SMG6: variants seen among roughly 807,000 people sequenced by gnomAD.
The protein encoded by SMG6 is telomerase-binding protein EST1A.
In SMG6, 66 loss-of-function variants were observed where a neutral mutation model predicts 142.2. The ratio of observed to expected loss-of-function variants is 0.46; its 90% CI spans 0.38 to 0.57. The LOEUF (loss-of-function observed/expected upper bound fraction) is 0.57. Ranked by LOEUF, SMG6 falls within the 20% of genes least tolerant of loss-of-function variation. The pLI, the probability that SMG6 is intolerant of heterozygous loss-of-function variation, is 0.00. For synonymous variants in SMG6, 779 were observed against 702.4 expected (o/e 1.11, Z -1.72); for missense variants, 1,793 against 1,832.0 (o/e 0.98, Z 0.39).
At chr17:2,180,709 A>G (rs1297675852) in intron 12 of SMG6, among the ~76,000 whole-genome samples, 1 of 152,152 alleles carries the variant, frequency 6.6e-6, no homozygotes, top group Non-Finnish European at 1.5e-5. Context: ...CTGCATAAGG[A>G]AAGAGGGTAA....
At chr17:2,102,111 T>C (rs1271148647) in intron 13 of SMG6, among the ~76,000 whole-genome samples, 1 of 152,192 alleles carries the variant, frequency 6.6e-6, no homozygotes, top group Non-Finnish European at 1.5e-5. Flanking sequence ...TCCTAACTTG[T>C]GTGCTCTCAG....
At chr17:2,187,116 C>T (rs2072013003) in intron 11 of SMG6, among the ~76,000 whole-genome samples, 2 of 152,358 alleles carry the variant, frequency 1.3e-5, no homozygotes, top group South Asian at 4.1e-4. Flanking sequence ...AGCCTTCCTT[C>T]AGCACAGTAC....
chr17:2,213,643 G>A (rs1224265294), intron 10 of SMG6: 4 of 152,210 alleles, frequency 2.6e-5, no homozygotes, highest in Non-Finnish European at 5.9e-5. Context: ...TTATCAAGCT[G>A]AGAGAGAGCA....
intron 13 of SMG6, among the ~76,000 whole-genome samples, chr17:2,169,772 A>C (rs901983482): frequency 1.3e-5 from 2 of 152,176 alleles, no homozygotes; most frequent in South Asian, 2.1e-4. Flanking sequence ...TTGGCCTCTA[A>C]GTGAGAGGAG....
At chr17:2,064,284 T>A (rs2151382227) in intron 18 of SMG6, among the ~76,000 whole-genome samples, 1 of 151,916 alleles carries the variant, frequency 6.6e-6, no homozygotes, top group African/African-American at 2.4e-5. Flanking sequence ...ATGAAAAAAA[T>A]GCCAGAATCC....
intron 10 of SMG6, among the ~76,000 whole-genome samples, chr17:2,212,349 T>C (rs2072889532): frequency 6.6e-6 from 1 of 151,892 alleles, no homozygotes; most frequent in African/African-American, 2.4e-5. Flanking sequence ...AGAAAGGGGA[T>C]CTGGGCAGAG....
intron 15 of SMG6, among the ~76,000 whole-genome samples, chr17:2,075,220 T>C (rs1358063639): frequency 1.4e-5 from 2 of 139,158 alleles, no homozygotes; most frequent in African/African-American, 2.7e-5. Flanking sequence ...CAGCCCCCCC[T>C]AGCTGGGTGG....
At chr17:2,273,286 TG>T (rs2074578268) in intron 8 of SMG6, among the ~76,000 whole-genome samples, 1 of 152,066 alleles carries the variant, frequency 6.6e-6, no homozygotes, top group South Asian at 2.1e-4. Flanking sequence ...AAGGCTGAGG[TG>T]GGCGGATCAC....
intron 8 of SMG6, among the ~76,000 whole-genome samples, chr17:2,247,748 AC>A (rs1366802176): frequency 2.6e-5 from 4 of 152,042 alleles, no homozygotes; most frequent in Non-Finnish European, 4.4e-5. Flanking sequence ...GCTCCATTGC[AC>A]CCCAGCCTAG....
chr17:2,164,248 C>T (rs974694559), intron 13 of SMG6, among the ~76,000 whole-genome samples: 6 of 151,362 alleles, frequency 4.0e-5, no homozygotes, highest in Admixed American at 1.3e-4. Flanking sequence ...CATGGTGAAA[C>T]CCCATCTCTA....
intron 8 of SMG6, among the ~76,000 whole-genome samples, chr17:2,249,624 G>C (rs1041653333): frequency 6.6e-6 from 1 of 152,106 alleles, no homozygotes; most frequent in African/African-American, 2.4e-5. Flanking sequence ...TTGCCTGGCA[G>C]ACTTTTTTCA....
chr17:2,156,094 T>C (rs1312123432), intron 13 of SMG6, among the ~76,000 whole-genome samples: 1 of 150,258 alleles, frequency 6.7e-6, no homozygotes, highest in Non-Finnish European at 1.5e-5. Context: ...GGCACTCAGA[T>C]TAGATAGAGC....
intron 8 of SMG6, among the ~76,000 whole-genome samples, chr17:2,271,193 C>T (rs1428484749): frequency 6.7e-6 from 1 of 150,256 alleles, no homozygotes; most frequent in East Asian, 2.0e-4. Context: ...TGGCTCACTA[C>T]AACCTCTGCC....
intron 6 of SMG6, among the ~76,000 whole-genome samples, chr17:2,287,045 C>T (rs897187421): frequency 6.6e-6 from 1 of 151,136 alleles, no homozygotes; most frequent in Non-Finnish European, 1.5e-5. Flanking sequence ...CATTCTCCTG[C>T]CTCAGCCTTC....
intron 13 of SMG6, among the ~76,000 whole-genome samples, chr17:2,171,143 G>A (rs1034083832): frequency 6.6e-6 from 1 of 151,916 alleles, no homozygotes; most frequent in Non-Finnish European, 1.5e-5. Flanking sequence ...GTATGAAGGT[G>A]GGTGCCTGTA....
intron 10 of SMG6, among the ~76,000 whole-genome samples, chr17:2,207,389 C>T (rs2072720532): frequency 6.6e-6 from 1 of 152,136 alleles, no homozygotes; most frequent in Non-Finnish European, 1.5e-5. Context: ...GGGATACCTG[C>T]TATCTAATGC....
At chr17:2,202,887 T>C (rs1443862259) in intron 10 of SMG6, among the ~76,000 whole-genome samples, 1 of 152,190 alleles carries the variant, frequency 6.6e-6, no homozygotes, top group Admixed American at 6.5e-5. Flanking sequence ...CAAAGCTCTG[T>C]ACAGCATTAC....
At chr17:2,288,299 G>A (rs1329063353) in intron 6 of SMG6, among the ~76,000 whole-genome samples, 1 of 151,562 alleles carries the variant, frequency 6.6e-6, no homozygotes, top group Non-Finnish European at 1.5e-5. Context: ...GGGCCACAGA[G>A]CGAGACTCCA....
At chr17:2,160,803 C>T (rs1348494831) in intron 13 of SMG6, among the ~76,000 whole-genome samples, 1 of 151,730 alleles carries the variant, frequency 6.6e-6, no homozygotes, top group East Asian at 1.9e-4. Flanking sequence ...TGCCCTCCAC[C>T]CTGGACAACA....
Sources: allele counts gnomAD v4.1 joint callset (sites outside exome capture counted in the v4.1 genomes callset), GRCh38; gene constraint gnomAD v4.1.1; transcripts MANE v1.5; gene names NCBI Gene and HGNC (gene_info 2026-07-23, HGNC 2026-07-21).